NKAIN2: variants seen among roughly 807,000 people sequenced by gnomAD.
NKAIN2 encodes the protein sodium/potassium transporting ATPase interacting 2, also known as sodium/potassium-transporting ATPase subunit beta-1-interacting protein 2.
NKAIN2 carries 14 observed loss-of-function variants against 32.6 expected under a neutral mutation model. The ratio of observed to expected loss-of-function variants is 0.43; its 90% CI spans 0.28 to 0.67. The LOEUF (loss-of-function observed/expected upper bound fraction) is 0.67. Ranked by LOEUF, NKAIN2 falls within the 30% of genes least tolerant of loss-of-function variation. NKAIN2 has a pLI of 0.17. For synonymous variants in NKAIN2, 80 were observed against 87.2 expected (o/e 0.92, Z 0.46); for missense variants, 198 against 258.3 (o/e 0.77, Z 1.60).
intron 1 of NKAIN2, among the ~76,000 whole-genome samples, chr6:123,839,943 A>T (rs979246318): frequency 1.3e-5 from 2 of 152,140 alleles, no homozygotes; most frequent in Non-Finnish European, 2.9e-5. Flanking sequence ...CAATAAATGG[A>T]TCATTAAAAA....
chr6:124,539,399 A>C (rs995986954), intron 3 of NKAIN2, among the ~76,000 whole-genome samples: 4 of 151,320 alleles, frequency 2.6e-5, no homozygotes, highest in Admixed American at 2.0e-4. Context: ...TCATTCAGTC[A>C]TTTACTTATT....
chr6:124,578,680 T>C (rs1328557918), intron 3 of NKAIN2, among the ~76,000 whole-genome samples: 2 of 151,520 alleles, frequency 1.3e-5, no homozygotes, highest in African/African-American at 4.9e-5. Flanking sequence ...GCATGGCTAG[T>C]TTTGCCACCT....
chr6:124,434,477 A>G (rs1196350132), intron 3 of NKAIN2, among the ~76,000 whole-genome samples: 2 of 152,132 alleles, frequency 1.3e-5, no homozygotes, highest in Admixed American at 6.6e-5. Flanking sequence ...ATCATTTCTC[A>G]AGTGTAATCT....
chr6:124,046,810 T>C (rs892177138), intron 1 of NKAIN2, among the ~76,000 whole-genome samples: 7 of 152,032 alleles, frequency 4.6e-5, no homozygotes, highest in African/African-American at 1.2e-4. Context: ...ATGGTGTACA[T>C]CATGATGAAC....
Position 124,415,399 on chromosome 6 carries a change from T to G in NKAIN2, c.273+60052T>G, listed in dbSNP as rs76257228. Among the ~76,000 whole-genome samples the G allele has an allele frequency of 8.8e-3, 1,345 of 152,330 alleles. 9 individuals are homozygous for G. The highest frequency in any genetic ancestry group is 0.013 in the Non-Finnish European group (900 of 68,028). ...CAAAGGATACAGATAAAGAGATGGA[T>G]AAGGCGAGGCATGGGGGATGGAGTG... On this transcript the variant is annotated intron_variant, in intron 3 of 6. Coordinates refer to ENST00000368417, the MANE Select transcript of NKAIN2 (RefSeq NM_001040214.3).
intron 5 of NKAIN2, among the ~76,000 whole-genome samples, chr6:124,809,012 G>A (rs967733387): frequency 3.3e-5 from 5 of 152,284 alleles, no homozygotes; most frequent in Middle Eastern, 3.4e-3. Flanking sequence ...AACATTCCAT[G>A]CTCATGGGTA....
intron 4 of NKAIN2, among the ~76,000 whole-genome samples, chr6:124,688,733 G>A (rs1049763705): frequency 6.6e-6 from 1 of 151,862 alleles, no homozygotes; most frequent in East Asian, 1.9e-4. Context: ...GTTATATGTT[G>A]TCTTTTCACA....
chr6:123,886,396 A>G (rs1305741902), intron 1 of NKAIN2, among the ~76,000 whole-genome samples: 1 of 152,144 alleles, frequency 6.6e-6, no homozygotes, highest in African/African-American at 2.4e-5. Flanking sequence ...AAGCACACCC[A>G]GTACATAGTG....
At chr6:124,740,826 T>C (rs986959461) in intron 4 of NKAIN2, among the ~76,000 whole-genome samples, 2 of 151,838 alleles carry the variant, frequency 1.3e-5, no homozygotes, top group African/African-American at 4.8e-5. Flanking sequence ...TAATAAAGAA[T>C]GTTTATTTGA....
chr6:124,060,894 C>T (rs1028367496), intron 1 of NKAIN2, among the ~76,000 whole-genome samples: 1 of 151,924 alleles, frequency 6.6e-6, no homozygotes, highest in African/African-American at 2.4e-5. Flanking sequence ...AAAATGTCAT[C>T]CAGCAATGGA....
At chr6:123,941,960 C>T (rs1335980760) in intron 1 of NKAIN2, among the ~76,000 whole-genome samples, 1 of 151,902 alleles carries the variant, frequency 6.6e-6, no homozygotes, top group African/African-American at 2.4e-5. Context: ...GTTCTGCAAT[C>T]CACCCCCAAA....
chr6:124,721,960 T>TA (rs1226458365), intron 4 of NKAIN2, among the ~76,000 whole-genome samples: 3 of 152,310 alleles, frequency 2.0e-5, no homozygotes, highest in Admixed American at 2.0e-4. Context: ...TCTATGCCCA[T>TA]AAAATAACAG....
chr6:124,201,497 T>A (rs1044341840), intron 1 of NKAIN2, among the ~76,000 whole-genome samples: 5 of 152,024 alleles, frequency 3.3e-5, no homozygotes, highest in African/African-American at 1.2e-4. Context: ...TTTTAAAATG[T>A]AGTTATGTTT....
At chr6:124,239,836 C>G (rs769595959) in intron 1 of NKAIN2, among the ~76,000 whole-genome samples, 12 of 152,058 alleles carry the variant, frequency 7.9e-5, no homozygotes, top group Non-Finnish European at 1.5e-4. Context: ...ATTAAAAGAA[C>G]TAGAGCAGCA....
chr6:124,347,348 G>C (rs9401734), intron 2 of NKAIN2, among the ~76,000 whole-genome samples: 115,574 of 150,630 alleles, frequency 0.77, 44,371 homozygotes, highest in Admixed American at 0.83. Context: ...TCTTTGTGGC[G>C]TTCTCTGTAT....
At chr6:124,799,336 A>C (rs955807545) in intron 5 of NKAIN2, among the ~76,000 whole-genome samples, 6 of 152,340 alleles carry the variant, frequency 3.9e-5, no homozygotes, top group Admixed American at 3.3e-4. Context: ...AACAGAAAAC[A>C]CATAAGCTAT....
chr6:124,631,327 C>T (rs1783556753), intron 3 of NKAIN2, among the ~76,000 whole-genome samples: 2 of 152,036 alleles, frequency 1.3e-5, no homozygotes, highest in African/African-American at 4.8e-5. Flanking sequence ...AATTTATAGA[C>T]TTAAAATTAT....
chr6:124,615,045 T>A (rs1045831381), intron 3 of NKAIN2, among the ~76,000 whole-genome samples: 11 of 152,204 alleles, frequency 7.2e-5, no homozygotes, highest in Admixed American at 6.5e-4. Context: ...AAATTCCATT[T>A]CATTTATCTG....
chr6:123,965,425 C>A (rs1344948383), intron 1 of NKAIN2, among the ~76,000 whole-genome samples: 1 of 152,102 alleles, frequency 6.6e-6, no homozygotes, highest in African/African-American at 2.4e-5. Context: ...TCACACTTAT[C>A]CTATCATGTT....
Sources: gnomAD v4.1 joint callset for allele counts (sites outside exome capture counted in the v4.1 genomes callset) on GRCh38, gnomAD v4.1.1 for gene constraint, MANE v1.5 for transcripts, NCBI Gene and HGNC (gene_info 2026-07-23, HGNC 2026-07-21) for gene names.